PLOD1: variants seen among roughly 807,000 people sequenced by gnomAD.
PLOD1 encodes lysine hydroxylase.
Under a neutral mutation model 94.7 loss-of-function variants are expected in PLOD1, and 70 were observed. The ratio of observed to expected loss-of-function variants is 0.74; its 90% CI spans 0.61 to 0.90. The LOEUF (loss-of-function observed/expected upper bound fraction) is 0.90, where lower values mean the gene tolerates loss of function less well. Ranked by LOEUF, PLOD1 falls within the 40% of genes least tolerant of loss-of-function variation. The pLI, the probability that PLOD1 is intolerant of heterozygous loss-of-function variation, is 0.00. For missense variants in PLOD1, 905 were observed against 972.7 expected, an observed-to-expected ratio of 0.93 and a Z score of 0.93; for synonymous variants, 417 against 400.2, an observed-to-expected ratio of 1.04 and a Z score of -0.50.
rs2207751 is a variant in PLOD1 at position 11,960,355 on chromosome 1, A to G, written c.976-291A>G. ...ATCTCTGGGCCACACCCAGGAATCA[A>G]CAATGTCTCTGGATGTGGGATCCTG... On this transcript the variant is annotated intron_variant, in intron 9 of 18. Coordinates refer to ENST00000196061, the MANE Select transcript of PLOD1 (RefSeq NM_000302.4). 0.27 allele frequency among the ~76,000 whole-genome samples: 40,899 copies of G among 152,170 alleles called. 8,011 individuals carry two copies. The highest frequency in any genetic ancestry group is 0.56 in the African/African-American group (23,023 of 41,480).
rs748925361 is a variant in PLOD1, at chr1:11,947,959, C to G, written c.77-17C>G. 1.3e-6 allele frequency: 2 copies of G among 1,549,878 alleles called. No homozygotes were observed. The highest frequency in any genetic ancestry group is 8.9e-7 in the Non-Finnish European group (1 of 1,121,354). ...TCATCCTCCATTCCCATTCACCATA[C>G]CCTCCTCTGTCTGCAGACAACCTTT... On this transcript the variant is annotated splice_polypyrimidine_tract_variant and intron_variant, in intron 1 of 18. Coordinates refer to ENST00000196061, the MANE Select transcript of PLOD1 (RefSeq NM_000302.4).
intron 1 of PLOD1, among the ~76,000 whole-genome samples, chr1:11,938,571 G>A (rs897160140): frequency 1.3e-5 from 2 of 152,156 alleles, no homozygotes; most frequent in African/African-American, 2.4e-5. Flanking sequence ...ACTAGTGTGT[G>A]TGTTTGGTGG....
Position 11,934,794 on chromosome 1 carries a change from G to C in PLOD1, c.15G>C (p.Leu5=). The C allele has an allele frequency of 6.5e-7, 1 of 1,540,042 alleles. No individual in the cohort carries two copies. Among genetic ancestry groups the C allele is most frequent in the Non-Finnish European group, 8.7e-7 (1 of 1,145,866 alleles). Residue 5 remains leucine, a synonymous_variant, in exon 1 of 19, where the codon CTG becomes CTC. Coordinates refer to ENST00000196061, the MANE Select transcript of PLOD1 (RefSeq NM_000302.4). ...ATACCTCGGCCATGCGGCCCCTGCTGCTACTGGCCCTGCTGGGCTGGCTGC... is the reference window on the plus strand; with the variant it reads ...ATACCTCGGCCATGCGGCCCCTGCTCCTACTGGCCCTGCTGGGCTGGCTGC... MRPL[L]LLALLGWLLL... is the part of the protein sequence containing the mutation.
At position 11,957,847 on chromosome 1, in the gene PLOD1, G is replaced by A; in HGVS notation, c.747G>A (p.Gln249=). The A allele has an allele frequency of 6.2e-7, 1 of 1,613,478 alleles. No individual in the cohort carries two copies. The highest frequency in any genetic ancestry group is 8.5e-7 in the Non-Finnish European group (1 of 1,179,388). ...ACCCCACGTCTCCCCGACAGCTGCA[G>A]TTGAACTACCTGGGCAACTACATCC... ...LIHGNGPTKL[Q]LNYLGNYIPR... is the part of the protein sequence containing the mutation. The change falls in exon 8 of 19, where the codon CAG becomes CAA. Residue 249 remains glutamine (Q), a synonymous_variant. Coordinates refer to ENST00000196061, the MANE Select transcript of PLOD1 (RefSeq NM_000302.4). The surrounding 1 kb of genome is among the most constrained non-coding windows in gnomAD (Gnocchi z 4.1).
chr1:11,964,330 G>A, intron 12 of PLOD1, 30 bp downstream of exon 12: 4 of 1,424,848 alleles, frequency 2.8e-6, no homozygotes, highest in Non-Finnish European at 4.0e-6. Context: ...GGGTGGGTGG[G>A]GGACACCTTC....
chr1:11,951,721 C>A (rs1270064596), intron 4 of PLOD1, among the ~76,000 whole-genome samples: 1 of 150,270 alleles, frequency 6.7e-6, no homozygotes, highest in Non-Finnish European at 1.5e-5. Flanking sequence ...AGATCGAGAC[C>A]ATCCTGGCTA....
At chr1:11,949,502 C>A (rs1313404843) in intron 2 of PLOD1, among the ~76,000 whole-genome samples, 1 of 152,172 alleles carries the variant, frequency 6.6e-6, no homozygotes, top group Non-Finnish European at 1.5e-5. Context: ...TCACTGGAAC[C>A]CCCACCTCCC....
chr1:11,964,914 G>A, intron 13 of PLOD1, 129 bp downstream of exon 13: 3 of 1,037,278 alleles, frequency 2.9e-6, no homozygotes, highest in South Asian at 1.5e-5. Context: ...ATTCTAGCAG[G>A]GCATCTCGGA....
At chr1:11,968,672 C>T (rs1645839383) in intron 16 of PLOD1, among the ~76,000 whole-genome samples, 1 of 151,488 alleles carries the variant, frequency 6.6e-6, no homozygotes, top group South Asian at 2.1e-4. Context: ...TGCCACCATG[C>T]CCGACTAATT....
chr1:11,965,652 C>A, intron 14 of PLOD1, 59 bp downstream of exon 14: 1 of 1,012,040 alleles, frequency 9.9e-7, no homozygotes. Flanking sequence ...ATCCTGCAGT[C>A]GGAGGGACTT....
rs531153063 is a variant in PLOD1, at chr1:11,941,467, G to GATTATTATTTATTATTATTATTATT, written c.77-6500_77-6499insTATTATTATTATTATTATTATTATT. Among the ~76,000 whole-genome samples the GATTATTATTTATTATTATTATTATT allele has an allele frequency of 7.3e-3, 1,041 of 141,892 alleles. 9 individuals carry two copies. Among genetic ancestry groups the GATTATTATTTATTATTATTATTATT allele is most frequent in the African/African-American group, 0.03 (1,000 of 33,624 alleles). 93.1% of individuals were successfully genotyped at this position (141,892 alleles called of 152,430 possible). On this transcript the variant is annotated intron_variant, in intron 1 of 18. Coordinates refer to ENST00000196061, the MANE Select transcript of PLOD1 (RefSeq NM_000302.4). The stretch of plus-strand genomic sequence containing the variant: ...CTGCCTTAGTCTCCTAAGTAGCTGG[G>GATTATTATTTATTATTATTATTATT]ATTATTATTATTATTATTATTATTA...
chr1:11,949,959 T>C, intron 3 of PLOD1, 53 bp downstream of exon 3: 1 of 1,587,220 alleles, frequency 6.3e-7, no homozygotes, highest in Non-Finnish European at 8.6e-7. Context: ...GATAGAAGAA[T>C]ATTCTAAAAT....
intron 9 of PLOD1, among the ~76,000 whole-genome samples, chr1:11,959,531 C>T (rs1645763314): frequency 6.6e-6 from 1 of 151,554 alleles, no homozygotes; most frequent in Non-Finnish European, 1.5e-5. Context: ...CAACCTCTGC[C>T]TCTTGGGTTC....
chr1:11,964,663 T>C lies in PLOD1; in HGVS notation c.1348T>C (p.Tyr450His). 6.2e-7 allele frequency: 1 copy of C among 1,612,924 alleles called. No individual in the cohort carries two copies. Among genetic ancestry groups the C allele is most frequent in the Non-Finnish European group, 8.5e-7 (1 of 1,179,892 alleles). ...GRRVGVWNVP[Y>H]ISNIYLIKGS... ...CCACAGTGGTGTCTGGAATGTGCCC[T>C]ATATTTCAAACATCTACTTGATCAA... The change falls in exon 13 of 19, where the codon TAT becomes CAT. Residue 450 changes from tyrosine (Y) to histidine (H), a missense_variant. Coordinates refer to ENST00000196061, the MANE Select transcript of PLOD1 (RefSeq NM_000302.4).
chr1:11,934,996 T>G, intron 1 of PLOD1, 141 bp downstream of exon 1: 2 of 1,109,460 alleles, frequency 1.8e-6, no homozygotes, highest in Non-Finnish European at 1.2e-6. Flanking sequence ...ACTTAATCGC[T>G]GGTGACTTGA....
At chr1:11,962,302 A>G (rs1213279883) in intron 10 of PLOD1, among the ~76,000 whole-genome samples, 9 of 103,760 alleles carry the variant, frequency 8.7e-5, no homozygotes, top group African/African-American at 3.5e-4. Flanking sequence ...TTTGAGATGG[A>G]GTCTCGCTCT....
chr1:11,966,101 AGAC>A (rs1392561134), intron 14 of PLOD1, 147 bp from the exon 15 acceptor site: 2 of 710,078 alleles, frequency 2.8e-6, no homozygotes, highest in African/African-American at 3.5e-5. Context: ...CTGTGCACCC[AGAC>A]AACACACACG....
intron 10 of PLOD1, among the ~76,000 whole-genome samples, chr1:11,961,823 C>CCGT (rs1645779561): frequency 1.3e-5 from 2 of 152,156 alleles, no homozygotes; most frequent in African/African-American, 2.4e-5. Context: ...GAGTCTCACT[C>CCGT]CGTCACTCAG....
intron 15 of PLOD1, among the ~76,000 whole-genome samples, chr1:11,966,716 C>G (rs1328222380): frequency 6.6e-6 from 1 of 152,168 alleles, no homozygotes; most frequent in African/African-American, 2.4e-5. Context: ...CTAATGTCTG[C>G]TTCCCCCGAG....
Sources: allele counts gnomAD v4.1 joint callset (sites outside exome capture counted in the v4.1 genomes callset), GRCh38; gene constraint gnomAD v4.1.1; non-coding constraint Gnocchi (gnomAD v3.1); transcripts MANE v1.5; gene names NCBI Gene and HGNC (gene_info 2026-07-23, HGNC 2026-07-21).